Variants in GRM1 observed in about 807,000 individuals in gnomAD.
GRM1 encodes glutamate metabotropic receptor 1, also known as metabotropic glutamate receptor 1.
GRM1 carries 33 observed loss-of-function variants against 90.9 expected under a neutral mutation model. That is an observed-to-expected ratio of 0.36 (90% CI 0.28 to 0.49). The LOEUF (loss-of-function observed/expected upper bound fraction) is 0.49, where lower values mean the gene tolerates loss of function less well. Among genes scored for constraint, GRM1 ranks in the 20% least tolerant of loss-of-function variants. The probability of loss-of-function intolerance (pLI) is 0.99; values close to 1 mark genes in which losing one functional copy is unlikely to be tolerated. For missense variants in GRM1, 1,190 were observed against 1,534.3 expected (o/e 0.78, Z 3.75); for synonymous variants, 700 against 613.2 (o/e 1.14, Z -2.09).
In GRM1 at chr6:146,043,794, T is replaced by TATATATATATATATATAG. The variant is rs1287614890; in HGVS notation, c.700+13594_700+13595insGATATATATATATATATA. Among the ~76,000 whole-genome samples the TATATATATATATATATAG allele has an allele frequency of 6.2e-4, 85 of 136,836 alleles. 2 individuals are homozygous for TATATATATATATATATAG. The highest frequency in any genetic ancestry group is 1.9e-3 in the South Asian group (8 of 4,172). The allele number at this position is 136,836 out of a possible 152,430, so 89.8% of individuals were successfully genotyped here. ...GAAAGAGTCAGGTGATATATATATA[T>TATATATATATATATATAG]ATATATATATATATATAAAGGGAAG... On this transcript the variant is annotated intron_variant, in intron 1 of 7. Coordinates refer to ENST00000282753, the MANE Select transcript of GRM1 (RefSeq NM_001278064.2).
intron 6 of GRM1, among the ~76,000 whole-genome samples, chr6:146,393,584 T>C (rs1458728446): frequency 6.6e-6 from 1 of 152,006 alleles, no homozygotes; most frequent in East Asian, 1.9e-4. Context: ...TTTGGTGTTT[T>C]AGACATGAAA....
intron 1 of GRM1, among the ~76,000 whole-genome samples, chr6:146,111,641 A>T (rs1775565071): frequency 6.6e-6 from 1 of 152,192 alleles, no homozygotes; most frequent in Admixed American, 6.5e-5. Flanking sequence ...TTCATGCAGG[A>T]TAACTTAAGG....
At chr6:146,112,595 A>G (rs1044583805) in intron 1 of GRM1, among the ~76,000 whole-genome samples, 5 of 152,188 alleles carry the variant, frequency 3.3e-5, no homozygotes, top group African/African-American at 1.2e-4. Context: ...TTCTTCCTGA[A>G]TGGAAGTCTC....
chr6:146,331,198 A>G (rs1038892742), intron 3 of GRM1, among the ~76,000 whole-genome samples: 1 of 152,154 alleles, frequency 6.6e-6, no homozygotes, highest in Non-Finnish European at 1.5e-5. Flanking sequence ...ATGGATTTCC[A>G]GTCACTATTG....
intron 5 of GRM1, among the ~76,000 whole-genome samples, chr6:146,380,686 A>T (rs75875048): frequency 6.6e-6 from 1 of 152,106 alleles, no homozygotes; most frequent in East Asian, 1.9e-4. Context: ...TCTCCCAAGC[A>T]GAAGGAGTTT....
intron 1 of GRM1, among the ~76,000 whole-genome samples, chr6:146,147,423 G>T (rs914499632): frequency 6.6e-6 from 1 of 152,164 alleles, no homozygotes; most frequent in African/African-American, 2.4e-5. Flanking sequence ...AAAGATGAAA[G>T]ATGATAATTA....
chr6:146,263,549 A>T (rs1781772494), intron 2 of GRM1, among the ~76,000 whole-genome samples: 1 of 152,026 alleles, frequency 6.6e-6, no homozygotes, highest in South Asian at 2.1e-4. Flanking sequence ...CAATGCGCTG[A>T]TAAATAGCAA....
chr6:146,208,599 T>C (rs539379241), intron 2 of GRM1, among the ~76,000 whole-genome samples: 4 of 152,242 alleles, frequency 2.6e-5, no homozygotes, highest in African/African-American at 7.2e-5. Flanking sequence ...GTCGGGGTCT[T>C]GATCATTTAT....
intron 2 of GRM1, among the ~76,000 whole-genome samples, chr6:146,178,753 T>G (rs1489679709): frequency 6.6e-6 from 1 of 152,212 alleles, no homozygotes; most frequent in Non-Finnish European, 1.5e-5. Flanking sequence ...AATTTCTCAT[T>G]TAGTAGCCAT....
At chr6:146,177,664 AT>A (rs570841462) in intron 2 of GRM1, among the ~76,000 whole-genome samples, 14 of 151,954 alleles carry the variant, frequency 9.2e-5, no homozygotes, top group African/African-American at 2.9e-4. Context: ...CCTTCACTGA[AT>A]TTTTTTTCTT....
chr6:146,061,633 A>T (rs537158601), intron 1 of GRM1, among the ~76,000 whole-genome samples: 11 of 152,214 alleles, frequency 7.2e-5, no homozygotes, highest in Admixed American at 5.9e-4. Context: ...GAAAACAAAC[A>T]ACCCCATCAA....
chr6:146,225,752 G>A (rs940209498), intron 2 of GRM1, among the ~76,000 whole-genome samples: 2 of 151,870 alleles, frequency 1.3e-5, no homozygotes, highest in African/African-American at 4.8e-5. Flanking sequence ...TAAATAATGG[G>A]ATTATTAGAG....
intron 1 of GRM1, among the ~76,000 whole-genome samples, chr6:146,050,115 G>A (rs1322631592): frequency 6.6e-6 from 1 of 151,962 alleles, no homozygotes; most frequent in Non-Finnish European, 1.5e-5. Flanking sequence ...CCGGTGCAAA[G>A]ACTGTATTAC....
intron 2 of GRM1, chr6:146,159,943 A>G (rs1355602718): frequency 9.2e-6 from 2 of 216,682 alleles, no homozygotes; most frequent in African/African-American, 4.7e-5. Flanking sequence ...AAAGGAAAGA[A>G]AGAAAAACAA....
intron 5 of GRM1, among the ~76,000 whole-genome samples, chr6:146,372,234 A>G (rs1039210430): frequency 1.3e-5 from 2 of 152,038 alleles, no homozygotes. Context: ...ACTTTTTCTT[A>G]TGCCTGTTTG....
At chr6:146,148,225 CTT>C (rs1030037806) in intron 1 of GRM1, among the ~76,000 whole-genome samples, 8 of 152,070 alleles carry the variant, frequency 5.3e-5, no homozygotes, top group African/African-American at 1.9e-4. Flanking sequence ...TTATTTCAAA[CTT>C]ATTTATATTA....
chr6:146,053,494 C>G (rs999198152), intron 1 of GRM1, among the ~76,000 whole-genome samples: 1 of 152,038 alleles, frequency 6.6e-6, no homozygotes, highest in Non-Finnish European at 1.5e-5. Context: ...TTCAGATTAT[C>G]TATTCCAGGA....
chr6:146,178,304 A>G (rs1284657944), intron 2 of GRM1, among the ~76,000 whole-genome samples: 1 of 152,136 alleles, frequency 6.6e-6, no homozygotes, highest in African/African-American at 2.4e-5. Flanking sequence ...GACTGGTGTT[A>G]TGGATTTGGG....
intron 7 of GRM1, among the ~76,000 whole-genome samples, chr6:146,429,469 G>A (rs1156436276): frequency 6.6e-6 from 1 of 152,196 alleles, no homozygotes; most frequent in Admixed American, 6.5e-5. Flanking sequence ...GGTTGCCTGG[G>A]AAAACAGAAG....
Sources: gnomAD v4.1 joint callset for allele counts (sites outside exome capture counted in the v4.1 genomes callset) on GRCh38, gnomAD v4.1.1 for gene constraint, MANE v1.5 for transcripts, NCBI Gene and HGNC (gene_info 2026-07-23, HGNC 2026-07-21) for gene names.